Variants in MCCC1 observed in about 807,000 individuals in gnomAD.
The protein encoded by MCCC1 is methylcrotonoyl-CoA carboxylase subunit alpha, mitochondrial.
A neutral mutation model predicts 83.8 loss-of-function variants in MCCC1; 64 were observed. The ratio of observed to expected loss-of-function variants is 0.76; its 90% CI spans 0.62 to 0.94. The LOEUF (loss-of-function observed/expected upper bound fraction) is 0.94, where lower values mean the gene tolerates loss of function less well. MCCC1 is among the 40% of genes least tolerant of loss of function. MCCC1 has a pLI of 0.00. For synonymous variants in MCCC1, 322 were observed against 315.4 expected, an observed-to-expected ratio of 1.02 and a Z score of -0.22; for missense variants, 807 against 904.7, an observed-to-expected ratio of 0.89 and a Z score of 1.39.
chr3:183,114,047 C>T (rs1719548150), intron 1 of MCCC1, among the ~76,000 whole-genome samples: 1 of 152,188 alleles, frequency 6.6e-6, no homozygotes, highest in Non-Finnish European at 1.5e-5. Flanking sequence ...GCAGCCTCTT[C>T]CTCAAGGACT....
upstream of MCCC1, among the ~76,000 whole-genome samples, chr3:183,102,917 G>T (rs1719341005): frequency 6.6e-6 from 1 of 151,396 alleles, no homozygotes; most frequent in African/African-American, 2.4e-5. Context: ...CTCCCGAATA[G>T]CTAGGATTAC....
At chr3:183,102,768 T>G (rs867156610), upstream of MCCC1, among the ~76,000 whole-genome samples, 24 of 75,914 alleles carry the variant, frequency 3.2e-4, no homozygotes, top group East Asian at 2.4e-3. Context: ...GTTTTTTTTT[T>G]TTTTTTTTTT....
chr3:183,041,519 T>C, intron 11 of MCCC1, 48 bp downstream of exon 11: 2 of 1,592,326 alleles, frequency 1.3e-6, no homozygotes, highest in South Asian at 2.2e-5. Context: ...AACAATAATG[T>C]ACTAAAAACT....
chr3:183,105,053 T>G (rs1719383476), intron 1 of MCCC1, among the ~76,000 whole-genome samples: 1 of 152,180 alleles, frequency 6.6e-6, no homozygotes. Context: ...AATTAAATAA[T>G]GTACATGCAG....
rs532532757 is a variant in MCCC1 at position 183,071,266 on chromosome 3, C to T, written c.583G>A (p.Ala195Thr). The T allele has an allele frequency of 6.8e-6, 11 of 1,614,232 alleles. No homozygotes were observed. The African/African-American group carries it at 8.0e-5, about 12-fold the overall frequency. ...ATGACAGGATAGCCAATTCTCCTGG[C>T]GTGTTCCTTCAGGCACTGGTCTGAT... is the stretch of plus-strand genomic sequence containing the variant. ...DQSDQCLKEH[A>T]RRIGYPVMIK... Residue 195 changes from alanine (A) to threonine (T), a missense_variant, in exon 6 of 19, where the codon GCC becomes ACC. By Grantham distance (58) the Ala-to-Thr change is moderately conservative. Coordinates refer to ENST00000265594, the MANE Select transcript of MCCC1 (RefSeq NM_020166.5).
At chr3:183,031,707 C>T (rs1713090229) in intron 14 of MCCC1, among the ~76,000 whole-genome samples, 1 of 151,700 alleles carries the variant, frequency 6.6e-6, no homozygotes, top group South Asian at 2.1e-4. Flanking sequence ...ACCATGTTAG[C>T]CAGGATGGTC....
upstream of MCCC1, among the ~76,000 whole-genome samples, chr3:183,104,060 A>G (rs2108582956): frequency 6.6e-6 from 1 of 152,200 alleles, no homozygotes; most frequent in Non-Finnish European, 1.5e-5. Flanking sequence ...CACCAAGCCT[A>G]CGCCCACCCG....
At chr3:183,069,225 T>C (rs1044200014) in intron 7 of MCCC1, among the ~76,000 whole-genome samples, 1 of 152,220 alleles carries the variant, frequency 6.6e-6, no homozygotes, top group African/African-American at 2.4e-5. Context: ...CCAGGGGCTT[T>C]CCAGCTATTG....
At chr3:183,057,219 G>C (rs1009580185) in intron 8 of MCCC1, 92 bp downstream of exon 8, 19 of 1,054,362 alleles carry the variant, frequency 1.8e-5, no homozygotes, top group African/African-American at 6.3e-5. Context: ...TTTGAGGGGT[G>C]AGAGACACCA....
At chr3:183,110,332 A>G (rs1250397908) in intron 1 of MCCC1, among the ~76,000 whole-genome samples, 1 of 152,006 alleles carries the variant, frequency 6.6e-6, no homozygotes, top group East Asian at 1.9e-4. Context: ...GCTGATGTTC[A>G]GAATGGTATT....
chr3:183,033,617 A>G (rs1223431521), intron 14 of MCCC1, among the ~76,000 whole-genome samples: 4 of 152,214 alleles, frequency 2.6e-5, no homozygotes, highest in African/African-American at 7.2e-5. Context: ...ATTTAAAAGT[A>G]ATACATTCTC....
intron 14 of MCCC1, among the ~76,000 whole-genome samples, chr3:183,029,900 C>T (rs1712908511): frequency 6.6e-6 from 1 of 152,104 alleles, no homozygotes; most frequent in African/African-American, 2.4e-5. Context: ...GATGTTCCGA[C>T]CCCATTCCAA....
upstream of MCCC1, among the ~76,000 whole-genome samples, chr3:183,100,264 C>T (rs1719080997): frequency 6.6e-6 from 1 of 152,182 alleles, no homozygotes; most frequent in Non-Finnish European, 1.5e-5. Context: ...TGCTTAACTT[C>T]AAGTGAACTT....
chr3:183,115,095 C>A (rs749121089), intron 1 of MCCC1, among the ~76,000 whole-genome samples: 1 of 152,242 alleles, frequency 6.6e-6, no homozygotes, highest in Non-Finnish European at 1.5e-5. Flanking sequence ...GCCACACCAA[C>A]GTGCCCAGGG....
chr3:183,098,521 G>A (rs575041075), intron 1 of MCCC1: 6 of 152,232 alleles, frequency 3.9e-5, no homozygotes, highest in Non-Finnish European at 8.8e-5. Flanking sequence ...AGCTAACTAA[G>A]ACCTCAGCCT....
intron 3 of MCCC1, 123 bp from the exon 4 acceptor site, chr3:183,086,911 G>T: frequency 1.2e-6 from 1 of 851,052 alleles, no homozygotes; most frequent in Non-Finnish European, 1.9e-6. Context: ...CAAGAACAGT[G>T]CAAGAATTGA....
At chr3:183,033,133 C>T (rs753998375) in intron 14 of MCCC1, among the ~76,000 whole-genome samples, 1 of 152,200 alleles carries the variant, frequency 6.6e-6, no homozygotes. Flanking sequence ...GATACAGTGA[C>T]CAGCTATCAT....
intron 1 of MCCC1, chr3:183,098,342 T>C (rs1718895408): frequency 1.3e-5 from 2 of 152,368 alleles, no homozygotes; most frequent in South Asian, 2.1e-4. Flanking sequence ...ATATAAATGG[T>C]TGAGTTTGCA....
At chr3:183,113,175 G>T (rs1211232764) in intron 1 of MCCC1, among the ~76,000 whole-genome samples, 1 of 147,450 alleles carries the variant, frequency 6.8e-6, no homozygotes, top group African/African-American at 2.5e-5. Flanking sequence ...AGTGAGCCGA[G>T]ATGGCTCCAC....
Sources: gnomAD v4.1 joint callset for allele counts (sites outside exome capture counted in the v4.1 genomes callset) on GRCh38, gnomAD v4.1.1 for gene constraint, MANE v1.5 for transcripts, NCBI Gene and HGNC (gene_info 2026-07-23, HGNC 2026-07-21) for gene names.